TSHZ2: variants seen among roughly 807,000 people sequenced by gnomAD.
TSHZ2 encodes the protein teashirt homolog 2.
A neutral mutation model predicts 74.4 loss-of-function variants in TSHZ2; 21 were observed. The observed-to-expected ratio is 0.28, with a 90% CI of 0.20 to 0.41. The LOEUF is 0.41. Among genes scored for constraint, TSHZ2 ranks in the 10% least tolerant of loss-of-function variants. The pLI is 1.00. For missense variants in TSHZ2, 1,244 were observed against 1,293.5 expected (o/e 0.96, Z 0.59); for synonymous variants, 540 against 515.3 (o/e 1.05, Z -0.65).
rs1423641391 is a variant in TSHZ2 at position 53,253,988 on chromosome 20, T to A, written c.530T>A (p.Leu177Gln). 2 of 1,614,108 alleles carry A rather than the reference T, an allele frequency of 1.2e-6. No homozygotes were observed. Among genetic ancestry groups the A allele is most frequent in the South Asian group, 2.2e-5 (2 of 91,062 alleles). Residue 177 changes from leucine to glutamine, a missense_variant, in exon 2 of 3, where the codon CTG becomes CAG. Physicochemically the swap from Leu to Gln is moderately radical, Grantham distance 113 (BLOSUM62 -2). Around this residue, in one of 6 missense-constraint regions of TSHZ2, gnomAD observed 470 missense variants for 456.5 expected, o/e 1.03. Coordinates refer to ENST00000371497, the MANE Select transcript of TSHZ2 (RefSeq NM_173485.6). ...CACCAAGACGCTCTGTCCAAAAGCC[T>A]GCAGCAGAACTTGCCTTCTCGGTCC... Reference protein sequence around the residue: ...DWHQDALSKSLQQNLPSRSVS... With the variant: ...DWHQDALSKSQQQNLPSRSVS...
At chr20:53,316,391 C>T (rs1011411964) in intron 2 of TSHZ2, among the ~76,000 whole-genome samples, 2 of 152,074 alleles carry the variant, frequency 1.3e-5, no homozygotes, top group Non-Finnish European at 2.9e-5. Flanking sequence ...CAGGAGCCCT[C>T]AGCGTAGTAG....
chr20:53,462,460 C>T (rs1985408807), intron 2 of TSHZ2, among the ~76,000 whole-genome samples: 1 of 152,184 alleles, frequency 6.6e-6, no homozygotes, highest in African/African-American at 2.4e-5. Context: ...GGCCTCCACG[C>T]TGTTGGTCAA....
chr20:53,018,079 G>C (rs1480875659), intron 1 of TSHZ2, among the ~76,000 whole-genome samples: 1 of 152,106 alleles, frequency 6.6e-6, no homozygotes, highest in African/African-American at 2.4e-5. Context: ...GGAATTACTG[G>C]CTCATGTAAT....
rs3042185 is a variant in TSHZ2, at chr20:53,394,761, C to CAAAAAAAAAAAAAAAAAAAA, written c.*9-92364_*9-92363insAAAAAAAAAAAAAAAAAAAA. ...GCAAACATCACTAATCAATCTGTCT[C>CAAAAAAAAAAAAAAAAAAAA]AAAAAAAAAAAAAAAAAAACTGTTC... On this transcript the variant is annotated intron_variant, in intron 2 of 2. Transcript: ENST00000371497. Among the ~76,000 whole-genome samples, 45 of 72,352 alleles carry CAAAAAAAAAAAAAAAAAAAA rather than the reference C, an allele frequency of 6.2e-4. 2 individuals carry two copies. Among genetic ancestry groups the CAAAAAAAAAAAAAAAAAAAA allele is most frequent in the African/African-American group, 2.1e-3 (39 of 18,632 alleles). The allele number at this position is 72,352 out of a possible 152,430, so 47.5% of individuals were successfully genotyped here. A position where few individuals can be genotyped will look rare whatever the true frequency, so the allele number is the denominator to read the frequency against.
chr20:53,051,873 GAGAA>G (rs1440741636), intron 1 of TSHZ2, among the ~76,000 whole-genome samples: 1 of 152,192 alleles, frequency 6.6e-6, no homozygotes. Context: ...ACCTTTGCAG[GAGAA>G]AGAAACAATT....
At chr20:53,139,038 T>C (rs1482707845) in intron 1 of TSHZ2, among the ~76,000 whole-genome samples, 1 of 152,244 alleles carries the variant, frequency 6.6e-6, no homozygotes, top group Non-Finnish European at 1.5e-5. Context: ...TAAGTGGGTC[T>C]GAGAAAGTTG....
At chr20:53,243,674 G>A (rs1273958968) in intron 1 of TSHZ2, among the ~76,000 whole-genome samples, 1 of 152,154 alleles carries the variant, frequency 6.6e-6, no homozygotes, top group East Asian at 1.9e-4. Flanking sequence ...TTGGCCCAAT[G>A]ACATGAAAAT....
Position 53,102,396 on chromosome 20 carries a change from C to T in TSHZ2, c.40+129063C>T, listed in dbSNP as rs192615478. On this transcript the variant is annotated intron_variant, in intron 1 of 2. Coordinates refer to ENST00000371497, the MANE Select transcript of TSHZ2 (RefSeq NM_173485.6). The stretch of plus-strand genomic sequence containing the variant: ...TCACATAGACCCAGTTTGAGTTTAA[C>T]GAAAAAAAAAGAAAAGAAAGAAAGG... Among the ~76,000 whole-genome samples the T allele has an allele frequency of 1.5e-3, 178 of 115,090 alleles. 2 individuals carry two copies. Among genetic ancestry groups the T allele is most frequent in the South Asian group, 2.6e-3 (10 of 3,794 alleles). The allele number at this position is 115,090 out of a possible 152,430, so 75.5% of individuals were successfully genotyped here.
intron 2 of TSHZ2, among the ~76,000 whole-genome samples, chr20:53,390,013 A>T (rs1354128029): frequency 1.3e-5 from 2 of 152,244 alleles, no homozygotes; most frequent in Non-Finnish European, 1.5e-5. Flanking sequence ...GTCTCAGGAC[A>T]AATATTTATT....
intron 1 of TSHZ2, among the ~76,000 whole-genome samples, chr20:53,090,071 C>G (rs1985831201): frequency 6.6e-6 from 1 of 152,226 alleles, no homozygotes; most frequent in Non-Finnish European, 1.5e-5. Context: ...CCCTGGCAAA[C>G]AAGTGTTGTA....
chr20:53,009,592 C>G (rs1600643438), intron 1 of TSHZ2, among the ~76,000 whole-genome samples: 1 of 152,220 alleles, frequency 6.6e-6, no homozygotes, highest in East Asian at 1.9e-4. Context: ...CCACAGAAAG[C>G]AAAACCACAG....
intron 1 of TSHZ2, among the ~76,000 whole-genome samples, chr20:53,017,420 C>T (rs1983077623): frequency 6.6e-6 from 1 of 152,178 alleles, no homozygotes; most frequent in Non-Finnish European, 1.5e-5. Context: ...CATGATTTTA[C>T]ATAGCATACG....
At chr20:53,337,036 A>G (rs1484201680) in intron 2 of TSHZ2, among the ~76,000 whole-genome samples, 2 of 152,222 alleles carry the variant, frequency 1.3e-5, no homozygotes, top group Non-Finnish European at 2.9e-5. Context: ...ACAGAAAGCA[A>G]GAGAGAGAAT....
intron 1 of TSHZ2, among the ~76,000 whole-genome samples, chr20:53,163,191 C>A (rs1344376116): frequency 6.6e-6 from 1 of 152,008 alleles, no homozygotes; most frequent in Non-Finnish European, 1.5e-5. Context: ...GTGTGATGGT[C>A]CCCACCTGCT....
chr20:53,169,575 ATATAG>A (rs1482718781), intron 1 of TSHZ2, among the ~76,000 whole-genome samples: 1 of 152,186 alleles, frequency 6.6e-6, no homozygotes, highest in African/African-American at 2.4e-5. Context: ...GGTTCCTGGC[ATATAG>A]TAAGCCCCTC....
chr20:53,418,877 C>T (rs1983367722), intron 2 of TSHZ2, among the ~76,000 whole-genome samples: 1 of 152,156 alleles, frequency 6.6e-6, no homozygotes, highest in South Asian at 2.1e-4. Flanking sequence ...CAGGTGTGAT[C>T]ATAGCTAGGA....
chr20:53,046,731 C>T (rs71356164), intron 1 of TSHZ2, among the ~76,000 whole-genome samples: 272 of 152,232 alleles, frequency 1.8e-3, no homozygotes, highest in Non-Finnish European at 2.6e-3. Flanking sequence ...CAGCCTTGGA[C>T]GTTCAGCCCC....
chr20:53,183,123 C>T (rs560422679), intron 1 of TSHZ2, among the ~76,000 whole-genome samples: 1 of 152,280 alleles, frequency 6.6e-6, no homozygotes, highest in East Asian at 1.9e-4. Context: ...AAGGACCCTT[C>T]CCCTGGCTGG....
intron 1 of TSHZ2, among the ~76,000 whole-genome samples, chr20:53,150,260 G>A (rs1987644609): frequency 6.6e-6 from 1 of 152,160 alleles, no homozygotes; most frequent in African/African-American, 2.4e-5. Flanking sequence ...TTGGGAGGGT[G>A]AATGATGAAC....
Sources: gnomAD v4.1 joint callset for allele counts (sites outside exome capture counted in the v4.1 genomes callset) on GRCh38, gnomAD v4.1.1 for gene constraint, gnomAD v4.1.1 regional missense constraint, MANE v1.5 for transcripts, NCBI Gene and HGNC (gene_info 2026-07-23, HGNC 2026-07-21) for gene names.